GTPBP1: variants seen among roughly 807,000 people sequenced by gnomAD.
GTPBP1 encodes the protein GTP binding protein 1, also known as GTP-binding protein 1.
Under a neutral mutation model 62.0 loss-of-function variants are expected in GTPBP1, and 23 were observed. The observed-to-expected ratio is 0.37, with a 90% confidence interval of 0.27 to 0.53. The LOEUF (loss-of-function observed/expected upper bound fraction) is 0.53. Ranked by LOEUF, GTPBP1 falls within the 20% of genes least tolerant of loss-of-function variation. The pLI is 0.89. For synonymous variants in GTPBP1, 344 were observed against 364.4 expected, an observed-to-expected ratio of 0.94 and a Z score of 0.64; for missense variants, 640 against 917.3, an observed-to-expected ratio of 0.70 and a Z score of 3.90.
In GTPBP1 at chr22:38,730,666, T is replaced by C; in HGVS notation, c.1972T>C (p.Ser658Pro). The part of the protein sequence containing the change: ...RRGGQRHKVK[S>P]QGACVTPASG... ...AGGGGGCCAGCGCCACAAGGTGAAG[T>C]CCCAGGGGGCCTGTGTGACTCCTGC... Residue 658 changes from serine (S) to proline (P), a missense_variant, in exon 12 of 12, where the codon TCC (serine) becomes CCC (proline). This residue lies in a region of GTPBP1 where 117 missense variants were observed against 107.1 expected (regional missense o/e 1.09). Coordinates refer to ENST00000216044, the MANE Select transcript of GTPBP1 (RefSeq NM_004286.5). This position sits in a 1 kb window ranked among gnomAD's most constrained non-coding sequence, Gnocchi z 5.6. The C allele has an allele frequency of 6.2e-7, 1 of 1,604,846 alleles. No homozygotes were observed. Among genetic ancestry groups the C allele is most frequent in the South Asian group, 1.1e-5 (1 of 90,972 alleles).
chr22:38,717,201 T>C (rs1487249255), intron 4 of GTPBP1, among the ~76,000 whole-genome samples: 7 of 152,304 alleles, frequency 4.6e-5, no homozygotes, highest in East Asian at 1.9e-4. Context: ...CTCCCTTACA[T>C]TAGACTAGGG....
chr22:38,740,060 G>A (rs563523746), downstream of GTPBP1: 34 of 1,308,264 alleles, frequency 2.6e-5, no homozygotes, highest in African/African-American at 1.3e-4. This position sits in a 1 kb window ranked among gnomAD's most constrained non-coding sequence, Gnocchi z 4.8. Context: ...GGCCACTGGA[G>A]GAAAGAGTTA....
chr22:38,708,051 T>A (rs1027916039), intron 1 of GTPBP1, among the ~76,000 whole-genome samples: 1 of 152,266 alleles, frequency 6.6e-6, no homozygotes, highest in Non-Finnish European at 1.5e-5. Flanking sequence ...TTTATTGAGC[T>A]GTGGACTAGA....
At chr22:38,739,060 C>T, downstream of GTPBP1, 1 of 1,450,722 alleles carries the variant, frequency 6.9e-7, no homozygotes, top group East Asian at 2.5e-5. This position sits in a 1 kb window ranked among gnomAD's most constrained non-coding sequence, Gnocchi z 6.7. Flanking sequence ...TTGGCTGTCT[C>T]CTCGCTGAAG....
chr22:38,722,092 A>G (rs961089214), intron 5 of GTPBP1, among the ~76,000 whole-genome samples: 1 of 152,210 alleles, frequency 6.6e-6, no homozygotes, highest in Non-Finnish European at 1.5e-5. Context: ...TCCAATAACT[A>G]TCCTTTATAA....
downstream of GTPBP1, chr22:38,734,212 C>A: frequency 2.4e-6 from 1 of 425,032 alleles, no homozygotes. Flanking sequence ...CAGGATCAGG[C>A]TAGAGAACCA....
At chr22:38,714,968 G>A (rs2092661438) in intron 2 of GTPBP1, among the ~76,000 whole-genome samples, 1 of 152,134 alleles carries the variant, frequency 6.6e-6, no homozygotes, top group African/African-American at 2.4e-5. Context: ...CTTGTCCTGA[G>A]CTCAAACTCA....
At chr22:38,715,470 C>A (rs1346541709) in intron 2 of GTPBP1, among the ~76,000 whole-genome samples, 1 of 152,212 alleles carries the variant, frequency 6.6e-6, no homozygotes, top group African/African-American at 2.4e-5. Context: ...AGCTTGGCAT[C>A]AGCCCTTTGC....
chr22:38,717,589 C>T (rs2092677903), intron 4 of GTPBP1, among the ~76,000 whole-genome samples: 1 of 152,152 alleles, frequency 6.6e-6, no homozygotes, highest in South Asian at 2.1e-4. Flanking sequence ...AGCTTAGGGT[C>T]GAGCGTGATT....
chr22:38,710,493 C>T (rs948166311), intron 2 of GTPBP1, among the ~76,000 whole-genome samples: 6 of 151,996 alleles, frequency 3.9e-5, no homozygotes, highest in African/African-American at 9.7e-5. Flanking sequence ...TCTCTAGTTG[C>T]GGGTCTTACC....
chr22:38,723,480 G>A, intron 5 of GTPBP1: 1 of 862,604 alleles, frequency 1.2e-6, no homozygotes, highest in Non-Finnish European at 1.9e-6. Flanking sequence ...GATGCTCAGA[G>A]TAGCCTTCCC....
At chr22:38,729,760 C>T in intron 11 of GTPBP1, 98 bp downstream of exon 11, 1 of 861,536 alleles carries the variant, frequency 1.2e-6, no homozygotes, top group Non-Finnish European at 1.6e-6. Context: ...TCAAACCTGG[C>T]TAGAGGGTCT....
chr22:38,738,652 G>A, downstream of GTPBP1: 1 of 1,614,046 alleles, frequency 6.2e-7, no homozygotes, highest in Non-Finnish European at 8.5e-7. This position sits in a 1 kb window ranked among gnomAD's most constrained non-coding sequence, Gnocchi z 6.6. Context: ...TTGGGCACAT[G>A]CTCTAAGGTA....
chr22:38,727,397 C>T lies in GTPBP1; in HGVS notation c.1537+49C>T, dbSNP rs756767282. On this transcript the variant is annotated intron_variant, in intron 9 of 11. Coordinates refer to ENST00000216044, the MANE Select transcript of GTPBP1 (RefSeq NM_004286.5). This position sits in a 1 kb window ranked among gnomAD's most constrained non-coding sequence, Gnocchi z 6.5. Reference sequence around the variant, plus strand: ...CCCAGGAGGCCGTCGTGTTAGCTCCCCTCAGAAGGTGTTCCAGCAACCCAG... The same window carrying T: ...CCCAGGAGGCCGTCGTGTTAGCTCCTCTCAGAAGGTGTTCCAGCAACCCAG... 12 of 1,475,228 alleles carry T rather than the reference C, an allele frequency of 8.1e-6. No individual in the cohort carries two copies. The South Asian group carries it at 1.4e-4, about 17-fold the overall frequency. 91.4% of individuals were successfully genotyped at this position (1,475,228 alleles called of 1,614,324 possible).
chr22:38,738,508 C>T, downstream of GTPBP1: 1 of 1,549,158 alleles, frequency 6.5e-7, no homozygotes, highest in South Asian at 1.2e-5. The surrounding 1 kb of genome is among the most constrained non-coding windows in gnomAD (Gnocchi z 6.6). Context: ...CCAAGGGTGA[C>T]CCTGACTTGA....
chr22:38,742,707 G>GGCAGGGGCTGCCGACCTCTGAGCT (rs1202839772), downstream of GTPBP1: 5 of 1,024,452 alleles, frequency 4.9e-6, no homozygotes, highest in Admixed American at 1.2e-4. Context: ...GGAGCTCGTG[G>GGCAGGGGCTGCCGACCTCTGAGCT]GCAGGGGCTG....
chr22:38,717,099 T>C, intron 4 of GTPBP1, 99 bp downstream of exon 4: 1 of 736,690 alleles, frequency 1.4e-6, no homozygotes, highest in Non-Finnish European at 2.3e-6. Context: ...GGCCTGTTGG[T>C]TTGGGGCTTT....
Position 38,716,859 on chromosome 22 carries a change from C to T in GTPBP1, c.693C>T (p.His231=), listed in dbSNP as rs150400452. 74 of 1,613,906 alleles carry T rather than the reference C, an allele frequency of 4.6e-5. 1 individual carries two copies. The highest frequency in any genetic ancestry group is 3.3e-4 in the Middle Eastern group (2 of 6,084). The change falls in exon 4 of 12, where the codon CAC becomes CAT. Residue 231 remains histidine (H), a synonymous_variant. Transcript: ENST00000216044. The surrounding 1 kb of genome is among the most constrained non-coding windows in gnomAD (Gnocchi z 5.2). ...EGNVVNKPDS[H]GGSLEWTKIC... The stretch of plus-strand genomic sequence containing the variant: ...ATGTAGTGAACAAGCCTGACAGCCA[C>T]GGCGGCAGCCTGGAGTGGACCAAGA...
At chr22:38,738,126 G>T, downstream of GTPBP1, 1 of 1,567,468 alleles carries the variant, frequency 6.4e-7, no homozygotes, top group Non-Finnish European at 8.8e-7. The surrounding 1 kb of genome is among the most constrained non-coding windows in gnomAD (Gnocchi z 6.6). Flanking sequence ...CCTGCTGCCT[G>T]GATGGGGAGT....
Sources: gnomAD v4.1 joint callset for allele counts (sites outside exome capture counted in the v4.1 genomes callset) on GRCh38, gnomAD v4.1.1 for gene constraint, gnomAD v4.1.1 regional missense constraint, Gnocchi (gnomAD v3.1) non-coding constraint, MANE v1.5 for transcripts, NCBI Gene and HGNC (gene_info 2026-07-23, HGNC 2026-07-21) for gene names.